Variants in CPLANE1 observed in about 807,000 individuals in gnomAD.
CPLANE1 encodes ciliogenesis and planar polarity effector complex subunit 1.
CPLANE1 carries 263 observed loss-of-function variants against 362.5 expected under a neutral mutation model. The observed-to-expected ratio is 0.73, with a 90% confidence interval of 0.66 to 0.80. The LOEUF (loss-of-function observed/expected upper bound fraction) is 0.80. Ranked by LOEUF, CPLANE1 falls within the 30% of genes least tolerant of loss-of-function variation. The pLI is 0.00. For missense variants in CPLANE1, 3,461 were observed against 3,793.4 expected (o/e 0.91, Z 2.30); for synonymous variants, 1,212 against 1,302.6 (o/e 0.93, Z 1.50).
intron 27 of CPLANE1, 144 bp downstream of exon 27, chr5:37,180,713 C>T (rs1017812386): frequency 4.6e-6 from 3 of 646,024 alleles, no homozygotes; most frequent in African/African-American, 3.7e-5. Context: ...ATTGTTAAAG[C>T]ACCTCAGAAA....
At chr5:37,122,528 C>T (rs375394384) in intron 47 of CPLANE1, 40 bp from the exon 48 acceptor site, 7 of 1,475,790 alleles carry the variant, frequency 4.7e-6, no homozygotes, top group Non-Finnish European at 6.6e-6. Flanking sequence ...ATTGTTCAAT[C>T]CAAATAATTA....
Position 37,234,108 on chromosome 5 carries a change from A to G in CPLANE1, c.939-3059T>C, listed in dbSNP as rs547658605. Among the ~76,000 whole-genome samples the G allele has an allele frequency of 2.0e-5, 3 of 152,324 alleles. No homozygotes were observed. The East Asian group carries it at 5.8e-4, about 29-fold the overall frequency. On this transcript the variant is annotated intron_variant, in intron 8 of 52. Coordinates refer to ENST00000651892, the MANE Select transcript of CPLANE1 (RefSeq NM_001384732.1). Reference sequence around the variant, plus strand: ...ATTCTCCTCTATAAAAGCATTTTCAAAAAATTAAAACAAGCAACGGCTGTA... The same window carrying G: ...ATTCTCCTCTATAAAAGCATTTTCAGAAAATTAAAACAAGCAACGGCTGTA...
the CPLANE1 span, among the ~76,000 whole-genome samples, chr5:37,090,110 TA>T: frequency 1.3e-5 from 2 of 152,182 alleles, no homozygotes; most frequent in African/African-American, 2.4e-5. Context: ...AAGGTTAAAT[TA>T]AAGACTAGCA....
rs764611797 is a variant in CPLANE1 at position 37,138,772 on chromosome 5, C to T, written c.8740G>A (p.Gly2914Arg). Residue 2914 changes from glycine (G) to arginine (R), a missense_variant, in exon 46 of 53, where the codon GGA (glycine) becomes AGA (arginine). Transcript: ENST00000651892. ...DIIDDLIIKD[G>R]VSSEELGLTE... ...AAGCCAAGTTCTTCACTGGAAACTC[C>T]GTCTTTAATTATAAGGTCATCAATA... The T allele has an allele frequency of 4.2e-5, 67 of 1,612,964 alleles. No individual in the cohort carries two copies. Among genetic ancestry groups the T allele is most frequent in the African/African-American group, 5.3e-5 (4 of 74,868 alleles).
At chr5:37,151,098 G>A (rs1773429261) in intron 42 of CPLANE1, among the ~76,000 whole-genome samples, 1 of 152,118 alleles carries the variant, frequency 6.6e-6, no homozygotes, top group African/African-American at 2.4e-5. Flanking sequence ...CATGGTAAAT[G>A]CTTTCTGTTC....
At position 37,107,511 on chromosome 5, in the gene CPLANE1, T is replaced by C; in HGVS notation, c.*91A>G. ...AAATGGAAAATTCACATTGCTTCTT[T>C]CATTGCTTCTGTCCCTTAAACCTGT... is the stretch of plus-strand genomic sequence containing the variant. On this transcript the variant is annotated 3_prime_UTR_variant, in exon 53 of 53. Coordinates refer to ENST00000651892, the MANE Select transcript of CPLANE1 (RefSeq NM_001384732.1). 7.5e-7 allele frequency: 1 copy of C among 1,339,840 alleles called. No homozygotes were observed. The highest frequency in any genetic ancestry group is 9.6e-7 in the Non-Finnish European group (1 of 1,036,974). 83.0% of individuals were successfully genotyped at this position (1,339,840 alleles called of 1,614,324 possible). A position where few individuals can be genotyped will look rare whatever the true frequency, so the allele number is the denominator to read the frequency against.
In CPLANE1 at chr5:37,153,857, CTCT is replaced by C; in HGVS notation, c.8253_8255del (p.Glu2752del). 6.2e-7 allele frequency: 1 copy of C among 1,614,100 alleles called. No homozygotes were observed. The highest frequency in any genetic ancestry group is 1.3e-5 in the African/African-American group (1 of 75,020). On this transcript the variant is annotated inframe_deletion, in exon 42 of 53. Transcript: ENST00000651892. ...TTTTCTGAAGCTTAGCACTGAGATG[CTCT>C]AGTTGGTGAGCTGCAGAGCTTGGTG...
rs77286946 is a variant in CPLANE1, at chr5:37,182,808, C to T, written c.5373G>A (p.Leu1791=). 1 of 1,613,410 alleles carries T rather than the reference C, an allele frequency of 6.2e-7. No individual in the cohort carries two copies. The highest frequency in any genetic ancestry group is 1.1e-5 in the South Asian group (1 of 91,004). Residue 1791 remains leucine, a synonymous_variant, in exon 26 of 53, where the codon TTG becomes TTA. Coordinates refer to ENST00000651892, the MANE Select transcript of CPLANE1 (RefSeq NM_001384732.1). The part of the protein sequence containing the change: ...TAAILTSLWL[L]EQPYFATYKA... Reference sequence around the variant, plus strand: ...TATATGTAGCAAAATAGGGTTGTTCCAAAAGCCATAATGATGTAAGAATGG... The same window carrying T: ...TATATGTAGCAAAATAGGGTTGTTCTAAAAGCCATAATGATGTAAGAATGG...
chr5:37,221,362 C>A lies in CPLANE1; in HGVS notation c.2708G>T (p.Trp903Leu). Residue 903 changes from tryptophan (W) to leucine (L), a missense_variant, in exon 15 of 53, where the codon TGG (tryptophan) becomes TTG (leucine). Around this residue, in one of 2 missense-constraint regions of CPLANE1, gnomAD observed 3,380 missense variants for 3,666.1 expected, o/e 0.92. Coordinates refer to ENST00000651892, the MANE Select transcript of CPLANE1 (RefSeq NM_001384732.1). The stretch of plus-strand genomic sequence containing the variant: ...ATTTTCTTTTACAGGTAGTTGGGAC[C>A]ATCTCAGGATTTCTCTTGCTAGCTG... ...CDQLAREILRWSQLPVKENKD... is the reference protein window; with the variant it reads ...CDQLAREILRLSQLPVKENKD... 1 of 1,512,754 alleles carries A rather than the reference C, an allele frequency of 6.6e-7. No homozygotes were observed. Among genetic ancestry groups the A allele is most frequent in the Admixed American group, 2.4e-5 (1 of 42,424 alleles). The allele number at this position is 1,512,754 out of a possible 1,614,324, so 93.7% of individuals were successfully genotyped here. A position where few individuals can be genotyped will look rare whatever the true frequency, so the allele number is the denominator to read the frequency against.
At chr5:37,140,281 A>C in intron 44 of CPLANE1, 1 of 968,330 alleles carries the variant, frequency 1.0e-6, no homozygotes, top group Non-Finnish European at 1.2e-6. Context: ...AGATAAACCA[A>C]ATCTGTCCCT....
intron 10 of CPLANE1, 49 bp downstream of exon 10, chr5:37,227,519 T>C (rs901598677): frequency 3.3e-6 from 5 of 1,498,270 alleles, no homozygotes; most frequent in Admixed American, 2.5e-5. Flanking sequence ...AGTTTTAAAT[T>C]TGAAAAGAAA....
chr5:37,083,971 C>A, the CPLANE1 span, among the ~76,000 whole-genome samples: 89,212 of 152,060 alleles, frequency 0.59, 28,984 homozygotes, highest in African/African-American at 0.88. Context: ...ACCTAGGCAC[C>A]CTGCCATCAG....
At chr5:37,084,648 C>T in the CPLANE1 span, among the ~76,000 whole-genome samples, 1 of 152,004 alleles carries the variant, frequency 6.6e-6, no homozygotes, top group Non-Finnish European at 1.5e-5. Context: ...GGCGTGGTGG[C>T]AAGCGCCTGT....
rs1274932969 is a variant in CPLANE1 at position 37,170,040 on chromosome 5, C to T, written c.6462+1G>A. On this transcript the variant is annotated splice_donor_variant, in intron 33 of 52. Coordinates refer to ENST00000651892, the MANE Select transcript of CPLANE1 (RefSeq NM_001384732.1). LOFTEE classifies it high-confidence loss of function. Reference sequence around the variant, plus strand: ...ATTAATGGTATTTTTACATACATTACCTGTACGTTTCCAGTACTATTTTGA... The same window carrying T: ...ATTAATGGTATTTTTACATACATTATCTGTACGTTTCCAGTACTATTTTGA... 1 of 1,613,224 alleles carries T rather than the reference C, an allele frequency of 6.2e-7. No homozygotes were observed. Among genetic ancestry groups the T allele is most frequent in the Admixed American group, 1.7e-5 (1 of 59,936 alleles).
chr5:37,187,892 A>G, intron 21 of CPLANE1, 50 bp from the exon 22 acceptor site: 1 of 1,305,192 alleles, frequency 7.7e-7, no homozygotes, highest in Non-Finnish European at 1.1e-6. Flanking sequence ...TATGTACATT[A>G]ATATTATAAC....
At position 37,229,338 on chromosome 5, in the gene CPLANE1, G is replaced by A. The variant is rs191645760; in HGVS notation, c.1122-1521C>T. Reference sequence around the variant, plus strand: ...GGAAGCCGAGGCGGGAGGATCACAAGGTCAGTTTGAGACCATCCTGGCCAA... The same window carrying A: ...GGAAGCCGAGGCGGGAGGATCACAAAGTCAGTTTGAGACCATCCTGGCCAA... On this transcript the variant is annotated intron_variant, in intron 9 of 52. Coordinates refer to ENST00000651892, the MANE Select transcript of CPLANE1 (RefSeq NM_001384732.1). 1.3e-3 allele frequency among the ~76,000 whole-genome samples: 197 copies of A among 151,380 alleles called. 3 individuals are homozygous for A. The highest frequency in any genetic ancestry group is 4.6e-3 in the African/African-American group (189 of 41,254).
intron 32 of CPLANE1, 63 bp from the exon 33 acceptor site, chr5:37,170,394 C>T: frequency 7.0e-7 from 1 of 1,429,874 alleles, no homozygotes; most frequent in Non-Finnish European, 9.6e-7. Context: ...TAAGGAATAA[C>T]AATAATCATC....
In CPLANE1 at chr5:37,183,563, C is replaced by T; in HGVS notation, c.4618G>A (p.Val1540Ile). 6.2e-7 allele frequency: 1 copy of T among 1,613,292 alleles called. No individual in the cohort carries two copies. Among genetic ancestry groups the T allele is most frequent in the East Asian group, 2.2e-5 (1 of 44,812 alleles). The change falls in exon 26 of 53, where the codon GTT becomes ATT. Residue 1540 changes from valine (V) to isoleucine (I), a missense_variant. By Grantham distance (29) the Val-to-Ile change is conservative (BLOSUM62 3). This residue lies in a region of CPLANE1 where 3,380 missense variants were observed against 3,666.1 expected (regional missense o/e 0.92). Transcript: ENST00000651892. ...LSQNTLPVIG[V>I]WEFERDDDEY... ...TCATCATCACGTTCAAATTCCCAAA[C>T]ACCTATTACAGGAAGTGTATTTTGT... is the stretch of plus-strand genomic sequence containing the variant.
In CPLANE1 at chr5:37,198,838, G is replaced by C; in HGVS notation, c.3536C>G (p.Ala1179Gly). 1 of 1,613,798 alleles carries C rather than the reference G, an allele frequency of 6.2e-7. No homozygotes were observed. The highest frequency in any genetic ancestry group is 8.5e-7 in the Non-Finnish European group (1 of 1,179,908). The change falls in exon 20 of 53, where the codon GCT (alanine) becomes GGT (glycine). Residue 1179 changes from alanine to glycine, a missense_variant. By Grantham distance (60) the Ala-to-Gly change is moderately conservative (BLOSUM62 0). Around this residue, in one of 2 missense-constraint regions of CPLANE1, gnomAD observed 3,380 missense variants for 3,666.1 expected, o/e 0.92. Coordinates refer to ENST00000651892, the MANE Select transcript of CPLANE1 (RefSeq NM_001384732.1). Reference protein sequence around the residue: ...EEDGDDLLLKAEKNNRQKVSG... With the variant: ...EEDGDDLLLKGEKNNRQKVSG... ...TACCTTCTGGCGATTATTTTTTTCA[G>C]CTTTTAAAAGAAGATCATCACCATC...
Sources: allele counts gnomAD v4.1 joint callset (sites outside exome capture counted in the v4.1 genomes callset), GRCh38; gene constraint gnomAD v4.1.1; regional missense constraint gnomAD v4.1.1; transcripts MANE v1.5; gene names NCBI Gene and HGNC (gene_info 2026-07-23, HGNC 2026-07-21).